The following ZNF487 variants were observed in gnomAD, a reference collection of about 807,000 sequenced individuals.
The protein encoded by ZNF487 is zinc finger protein 487.
A neutral mutation model predicts 3.0 loss-of-function variants in ZNF487; 4 were observed. That is an observed-to-expected ratio of 1.35 (90% confidence interval 0.66 to 3.08). ZNF487 has a LOEUF of 3.08. ZNF487 is among the 30% of genes most tolerant of loss of function. ZNF487 has a pLI of 0.01. For synonymous variants in ZNF487, 55 were observed against 34.6 expected (o/e 1.59, Z -2.06); for missense variants, 146 against 98.7 (o/e 1.48, Z -2.03).
intron 1 of ZNF487, among the ~76,000 whole-genome samples, chr10:43,456,626 G>T (rs945469431): frequency 6.6e-6 from 1 of 152,172 alleles, no homozygotes; most frequent in Non-Finnish European, 1.5e-5. Context: ...TGTCGCCCAG[G>T]CTGGCGTGCA....
At chr10:43,457,540 G>C in intron 1 of ZNF487, among the ~76,000 whole-genome samples, 1 of 135,264 alleles carries the variant, frequency 7.4e-6, no homozygotes, top group African/African-American at 2.8e-5. Context: ...GGGCGACAAA[G>C]CAAGACTCTG....
chr10:43,487,929 C>CA (rs76705594), downstream of ZNF487, among the ~76,000 whole-genome samples: 13,042 of 40,368 alleles, frequency 0.32, 1,512 homozygotes, highest in African/African-American at 0.39. Flanking sequence ...TACCAAAATA[C>CA]AAAAAAAAAA....
At chr10:43,479,730 C>T (rs1443751066) in intron 3 of ZNF487, among the ~76,000 whole-genome samples, 1 of 152,114 alleles carries the variant, frequency 6.6e-6, no homozygotes, top group Non-Finnish European at 1.5e-5. Flanking sequence ...TCACTGCAAC[C>T]TCCGCCTCTC....
chr10:43,515,328 C>T, the ZNF487 span, among the ~76,000 whole-genome samples: 1 of 152,122 alleles, frequency 6.6e-6, no homozygotes, highest in Non-Finnish European at 1.5e-5. Flanking sequence ...GGAAAATCAA[C>T]ATTATCTTGC....
the ZNF487 span, among the ~76,000 whole-genome samples, chr10:43,507,953 G>A: frequency 6.6e-6 from 1 of 152,200 alleles, no homozygotes; most frequent in South Asian, 2.1e-4. Flanking sequence ...AAAAAAGCCT[G>A]TGTCATGGAA....
the ZNF487 span, among the ~76,000 whole-genome samples, chr10:43,511,758 G>T: frequency 6.6e-6 from 1 of 152,140 alleles, no homozygotes; most frequent in East Asian, 1.9e-4. Flanking sequence ...GAGGAAAGAG[G>T]CTGAGTGCTG....
intron 1 of ZNF487, among the ~76,000 whole-genome samples, chr10:43,456,092 C>A (rs1237513180): frequency 2.0e-5 from 3 of 152,218 alleles, no homozygotes; most frequent in Non-Finnish European, 2.9e-5. Context: ...GCCCGCACTT[C>A]ATAATGGAGG....
intron 1 of ZNF487, among the ~76,000 whole-genome samples, chr10:43,448,083 G>A (rs1210029676): frequency 2.9e-5 from 4 of 136,302 alleles, no homozygotes; most frequent in East Asian, 2.4e-4. Flanking sequence ...TCCACCTCCC[G>A]GGTTCACGCT....
intron 1 of ZNF487, among the ~76,000 whole-genome samples, chr10:43,443,378 G>GTT (rs35842181): frequency 2.6e-5 from 3 of 116,336 alleles, no homozygotes; most frequent in Non-Finnish European, 3.7e-5. Context: ...TTTTGTTTTT[G>GTT]TTTTTTTTTT....
At chr10:43,498,671 A>G in the ZNF487 span, among the ~76,000 whole-genome samples, 24,354 of 151,658 alleles carry the variant, frequency 0.16, 3,261 homozygotes, top group African/African-American at 0.37. Flanking sequence ...GGCTGGGCGC[A>G]GTGGCTCACG....
At chr10:43,503,318 A>C in the ZNF487 span, among the ~76,000 whole-genome samples, 22,874 of 152,248 alleles carry the variant, frequency 0.15, 2,320 homozygotes, top group East Asian at 0.4. Flanking sequence ...TTGGAGAATA[A>C]GGATATAAAG....
chr10:43,443,366 G>GTT (rs1326797006), intron 1 of ZNF487, among the ~76,000 whole-genome samples: 16 of 144,806 alleles, frequency 1.1e-4, no homozygotes, highest in South Asian at 2.2e-4. Flanking sequence ...GCTGGGCCTA[G>GTT]TTTTTGTTTT....
chr10:43,437,018 C>A, upstream of ZNF487: 1 of 376,476 alleles, frequency 2.7e-6, no homozygotes, highest in Non-Finnish European at 5.6e-6. Flanking sequence ...CCGCTAGGCA[C>A]GCGGGAGCAG....
the ZNF487 span, among the ~76,000 whole-genome samples, chr10:43,489,956 A>G: frequency 3.9e-5 from 6 of 152,228 alleles, no homozygotes; most frequent in African/African-American, 1.4e-4. Context: ...AAATATCCAA[A>G]GGCAGATGTT....
chr10:43,488,653 C>T, the ZNF487 span, among the ~76,000 whole-genome samples: 7 of 152,220 alleles, frequency 4.6e-5, no homozygotes, highest in Admixed American at 2.0e-4. Flanking sequence ...ATTATACCAA[C>T]GAATAAATAC....
chr10:43,480,633 C>T (rs555697529), intron 3 of ZNF487, among the ~76,000 whole-genome samples: 1 of 151,300 alleles, frequency 6.6e-6, no homozygotes, highest in South Asian at 2.1e-4. Context: ...CCAGGCTGGT[C>T]TGGAACGCTT....
At chr10:43,501,561 G>A in the ZNF487 span, among the ~76,000 whole-genome samples, 56 of 152,098 alleles carry the variant, frequency 3.7e-4, 1 homozygote, top group African/African-American at 1.2e-3. Context: ...TCAACATGGC[G>A]AAACCCCATC....
At chr10:43,523,875 G>A in the ZNF487 span, 8 of 152,176 alleles carry the variant, frequency 5.3e-5, no homozygotes, top group Admixed American at 5.2e-4. Context: ...ACACCATGGA[G>A]GAATCATGGG....
intron 1 of ZNF487, among the ~76,000 whole-genome samples, chr10:43,446,986 G>A (rs911320570): frequency 6.6e-6 from 1 of 152,094 alleles, no homozygotes; most frequent in Non-Finnish European, 1.5e-5. Context: ...GAGGTCAGGA[G>A]CTGGAGACCA....
Sources: gnomAD v4.1 joint callset for allele counts (sites outside exome capture counted in the v4.1 genomes callset) on GRCh38, gnomAD v4.1.1 for gene constraint, MANE v1.5 for transcripts, NCBI Gene and HGNC (gene_info 2026-07-23, HGNC 2026-07-21) for gene names.